The following AP3B1 variants were observed in gnomAD, a reference collection of about 807,000 sequenced individuals.
AP3B1 encodes the protein AP-3 complex subunit beta-1.
Under a neutral mutation model 132.5 loss-of-function variants are expected in AP3B1, and 61 were observed. The observed-to-expected ratio is 0.46, with a 90% CI of 0.37 to 0.57. The LOEUF (loss-of-function observed/expected upper bound fraction) is 0.57, where lower values mean the gene tolerates loss of function less well. Among genes scored for constraint, AP3B1 ranks in the 20% least tolerant of loss-of-function variants. The pLI is 0.00. For missense variants in AP3B1, 1,120 were observed against 1,289.4 expected (o/e 0.87, Z 2.01); for synonymous variants, 388 against 438.3 (o/e 0.89, Z 1.43).
At chr5:78,104,302 T>C (rs918764053) in intron 20 of AP3B1, among the ~76,000 whole-genome samples, 4 of 152,144 alleles carry the variant, frequency 2.6e-5, no homozygotes, top group African/African-American at 9.7e-5. Flanking sequence ...TGCTAGTAAA[T>C]TGAGACTTCT....
rs1751700635 is a variant in AP3B1 at position 78,113,838 on chromosome 5, G to A, written c.2163C>T (p.Ser721=). ...DSNEDSSEDS[S]SEQDSESGRE... ...GTCCACTCTCACTGTCCTGCTCACTGGAGGAGTCCTCACTGCTGTCCTCAT... is the reference window on the plus strand; with the variant it reads ...GTCCACTCTCACTGTCCTGCTCACTAGAGGAGTCCTCACTGCTGTCCTCAT... The change falls in exon 19 of 27, where the codon TCC becomes TCT. Residue 721 remains serine (S), a synonymous_variant. Coordinates refer to ENST00000255194, the MANE Select transcript of AP3B1 (RefSeq NM_003664.5). 6.8e-6 allele frequency: 11 copies of A among 1,614,014 alleles called. No homozygotes were observed. Among genetic ancestry groups the A allele is most frequent in the Non-Finnish European group, 7.6e-6 (9 of 1,180,020 alleles).
At chr5:78,274,335 T>C (rs922394161) in intron 1 of AP3B1, among the ~76,000 whole-genome samples, 1 of 150,790 alleles carries the variant, frequency 6.6e-6, no homozygotes, top group Admixed American at 6.6e-5. Flanking sequence ...AGAGAAAATA[T>C]ACAAATTGAA....
chr5:78,171,431 T>C (rs1228342541), intron 11 of AP3B1, among the ~76,000 whole-genome samples: 2 of 152,204 alleles, frequency 1.3e-5, no homozygotes, highest in Non-Finnish European at 2.9e-5. Flanking sequence ...TTTGTAGTTC[T>C]CCTTGAAGAG....
chr5:78,123,958 A>C (rs530661482), intron 17 of AP3B1, among the ~76,000 whole-genome samples: 118 of 152,368 alleles, frequency 7.7e-4, no homozygotes, highest in Non-Finnish European at 1.4e-3. Context: ...CAAATGTCCA[A>C]CAACGACAGA....
intron 22 of AP3B1, among the ~76,000 whole-genome samples, chr5:78,055,546 T>G (rs1009852708): frequency 1.3e-5 from 2 of 152,188 alleles, no homozygotes; most frequent in African/African-American, 4.8e-5. Context: ...AAGACAATGT[T>G]TATTAGCATA....
At chr5:78,284,648 A>T (rs925627270) in intron 1 of AP3B1, among the ~76,000 whole-genome samples, 1 of 152,202 alleles carries the variant, frequency 6.6e-6, no homozygotes, top group Non-Finnish European at 1.5e-5. Flanking sequence ...ACATATAAAT[A>T]TATATGCAAA....
At chr5:78,195,762 C>G (rs1213446910) in intron 7 of AP3B1, among the ~76,000 whole-genome samples, 1 of 151,952 alleles carries the variant, frequency 6.6e-6, no homozygotes, top group Admixed American at 6.6e-5. Context: ...GGAGGCTGCA[C>G]TGAGCTGAGA....
chr5:78,229,444 T>C (rs533493679), intron 3 of AP3B1, among the ~76,000 whole-genome samples: 6 of 152,170 alleles, frequency 3.9e-5, no homozygotes, highest in African/African-American at 1.4e-4. Flanking sequence ...CTAAAAGTTA[T>C]GTACTCAGCC....
intron 1 of AP3B1, among the ~76,000 whole-genome samples, chr5:78,286,565 C>T (rs1749290861): frequency 6.6e-6 from 1 of 152,186 alleles, no homozygotes; most frequent in Non-Finnish European, 1.5e-5. Flanking sequence ...TCTTGGACTT[C>T]CTGGCCTCCA....
intron 22 of AP3B1, among the ~76,000 whole-genome samples, chr5:78,070,796 A>G (rs781296157): frequency 1.3e-5 from 2 of 152,250 alleles, no homozygotes; most frequent in African/African-American, 2.4e-5. Context: ...TATGTGGCCA[A>G]CAAACATGAA....
intron 1 of AP3B1, among the ~76,000 whole-genome samples, chr5:78,278,701 CAGAACATT>C (rs1748907008): frequency 6.7e-6 from 1 of 149,712 alleles, no homozygotes; most frequent in Admixed American, 6.7e-5. Context: ...CCCCAGGCCA[CAGAACATT>C]ACCCATCTGT....
At chr5:78,126,498 C>CT (rs11451731) in intron 17 of AP3B1, among the ~76,000 whole-genome samples, 25,682 of 100,606 alleles carry the variant, frequency 0.26, 2,998 homozygotes, top group Admixed American at 0.41. Context: ...GAGCAAGACT[C>CT]TGTCTCAAAA....
intron 22 of AP3B1, chr5:78,043,317 G>A (rs532612472): frequency 1.2e-5 from 2 of 167,630 alleles, no homozygotes; most frequent in African/African-American, 4.8e-5. Context: ...CTTTTAAAGA[G>A]TTGGGGTTTC....
rs188649550 is a variant in AP3B1 at position 78,007,303 on chromosome 5, C to G, written c.3132-4248G>C. Among the ~76,000 whole-genome samples, 477 of 152,288 alleles carry G rather than the reference C, an allele frequency of 3.1e-3. 3 individuals are homozygous for G. The highest frequency in any genetic ancestry group is 0.011 in the African/African-American group (447 of 41,566). Reference sequence around the variant, plus strand: ...AGATTTGCTATACTTAATGCAACAGCTCTAAGACATGCTTTTTCTTCTCTT... The same window carrying G: ...AGATTTGCTATACTTAATGCAACAGGTCTAAGACATGCTTTTTCTTCTCTT... On this transcript the variant is annotated intron_variant, in intron 26 of 26. Coordinates refer to ENST00000255194, the MANE Select transcript of AP3B1 (RefSeq NM_003664.5).
chr5:78,204,098 C>A lies in AP3B1; in HGVS notation c.786+11957G>T, dbSNP rs775859498. Reference sequence around the variant, plus strand: ...CCTTGAGTACAGTTTCCATTACTTTCTTTTTTTCTTGTGGATGGAACAAAT... The same window carrying A: ...CCTTGAGTACAGTTTCCATTACTTTATTTTTTTCTTGTGGATGGAACAAAT... On this transcript the variant is annotated intron_variant, in intron 7 of 26. Coordinates refer to ENST00000255194, the MANE Select transcript of AP3B1 (RefSeq NM_003664.5). Among the ~76,000 whole-genome samples, 41 of 152,188 alleles carry A rather than the reference C, an allele frequency of 2.7e-4. 1 individual carries two copies. The highest frequency in any genetic ancestry group is 3.4e-3 in the Middle Eastern group (1 of 294).
chr5:78,184,775 GAAGAGACAGAGGC>G (rs901289973), intron 7 of AP3B1, among the ~76,000 whole-genome samples: 2 of 151,834 alleles, frequency 1.3e-5, no homozygotes, highest in African/African-American at 2.4e-5. Flanking sequence ...CCTGGAAGGA[GAAGAGACAGAGGC>G]AAGAGTTGAA....
At chr5:78,047,623 T>C (rs1748397916) in intron 22 of AP3B1, among the ~76,000 whole-genome samples, 1 of 152,220 alleles carries the variant, frequency 6.6e-6, no homozygotes, top group Admixed American at 6.5e-5. Flanking sequence ...GATGGATTGA[T>C]TGCAAAATTT....
chr5:78,135,863 ACTGC>A (rs752841112), intron 15 of AP3B1, among the ~76,000 whole-genome samples: 3 of 152,188 alleles, frequency 2.0e-5, no homozygotes, highest in Admixed American at 6.5e-5. Flanking sequence ...AAATCTTTAT[ACTGC>A]CTTAACAGTT....
At chr5:78,261,180 C>A (rs1748074484) in intron 2 of AP3B1, among the ~76,000 whole-genome samples, 1 of 152,116 alleles carries the variant, frequency 6.6e-6, no homozygotes, top group Admixed American at 6.6e-5. Flanking sequence ...TTTAAGGAAC[C>A]ACCATACTGT....
Sources: gnomAD v4.1 joint callset for allele counts (sites outside exome capture counted in the v4.1 genomes callset) on GRCh38, gnomAD v4.1.1 for gene constraint, MANE v1.5 for transcripts, NCBI Gene and HGNC (gene_info 2026-07-23, HGNC 2026-07-21) for gene names.